TCTN1: variants seen among roughly 807,000 people sequenced by gnomAD.
TCTN1 encodes the protein tectonic family member 1, also known as tectonic-1.
TCTN1 carries 58 observed loss-of-function variants against 65.8 expected under a neutral mutation model. That is an observed-to-expected ratio of 0.88 (90% CI 0.71 to 1.10). The LOEUF (loss-of-function observed/expected upper bound fraction) is 1.10, where lower values mean the gene tolerates loss of function less well. Among genes scored for constraint, TCTN1 ranks in the 50% least tolerant of loss-of-function variants. The pLI is 0.00. For synonymous variants in TCTN1, 273 were observed against 289.1 expected, an observed-to-expected ratio of 0.94 and a Z score of 0.57; for missense variants, 645 against 719.4, an observed-to-expected ratio of 0.90 and a Z score of 1.18.
intron 12 of TCTN1, 62 bp from the exon 13 acceptor site, chr12:110,647,134 A>G: frequency 6.3e-7 from 1 of 1,595,718 alleles, no homozygotes; most frequent in Non-Finnish European, 8.6e-7. Flanking sequence ...TTTTATAATT[A>G]AAACTCTGAA....
At chr12:110,648,792 GA>G (rs1426072145) in intron 14 of TCTN1, 3 of 309,562 alleles carry the variant, frequency 9.7e-6, no homozygotes, top group African/African-American at 6.9e-5. Context: ...AGGGAAAAGA[GA>G]GAGTTTATTT....
At chr12:110,635,738 G>A (rs2066526480) in intron 6 of TCTN1, 1 of 152,340 alleles carries the variant, frequency 6.6e-6, no homozygotes, top group African/African-American at 2.4e-5. Context: ...TACAGGGGTA[G>A]GGTGGTTCAT....
intron 6 of TCTN1, among the ~76,000 whole-genome samples, chr12:110,635,328 G>C (rs1172950925): frequency 6.6e-6 from 1 of 152,082 alleles, no homozygotes; most frequent in Non-Finnish European, 1.5e-5. Context: ...TGAGATGGAG[G>C]GTGGCAAGGG....
At chr12:110,636,419 G>A (rs1170746876) in intron 6 of TCTN1, 62 bp from the exon 7 acceptor site, 1 of 1,125,598 alleles carries the variant, frequency 8.9e-7, no homozygotes, top group Non-Finnish European at 1.3e-6. Flanking sequence ...ATCTGAAAAA[G>A]CAATGAAAAT....
At chr12:110,646,219 T>G (rs1435210537) in intron 12 of TCTN1, 1 of 151,998 alleles carries the variant, frequency 6.6e-6, no homozygotes, top group Non-Finnish European at 1.5e-5. Flanking sequence ...TAAACTCAGT[T>G]TCCACCAGCT....
intron 2 of TCTN1, among the ~76,000 whole-genome samples, chr12:110,623,302 C>T (rs1015201324): frequency 3.3e-5 from 5 of 152,174 alleles, no homozygotes; most frequent in East Asian, 1.9e-4. Context: ...TGGCCATTGC[C>T]GTTCTTGCAC....
chr12:110,642,879 C>T (rs1157019109), intron 11 of TCTN1, among the ~76,000 whole-genome samples: 2 of 152,070 alleles, frequency 1.3e-5, no homozygotes, highest in African/African-American at 4.8e-5. Context: ...CCTCAGCCTC[C>T]TGAGTAGCTG....
intron 2 of TCTN1, among the ~76,000 whole-genome samples, chr12:110,623,068 G>A (rs919890393): frequency 6.6e-6 from 1 of 152,120 alleles, no homozygotes; most frequent in Non-Finnish European, 1.5e-5. Flanking sequence ...AGCCCTCGTG[G>A]TCGTCCATCC....
chr12:110,616,919 T>C (rs2065078500), intron 1 of TCTN1: 1 of 152,188 alleles, frequency 6.6e-6, no homozygotes, highest in Non-Finnish European at 1.5e-5. Flanking sequence ...GCAGATGCGA[T>C]AGGAGGCAAG....
chr12:110,614,157 C>CG lies in TCTN1; in HGVS notation c.-23dup. ...GCCGGGCAACGCGCTGTCCATGTCGCGGGCCTCGCTGGGACTCCCTGGGAG... is the reference window on the plus strand; with the variant it reads ...GCCGGGCAACGCGCTGTCCATGTCGCGGGGCCTCGCTGGGACTCCCTGGGAG... On this transcript the variant is annotated 5_prime_UTR_variant, in exon 1 of 15. Coordinates refer to ENST00000397659, the MANE Select transcript of TCTN1 (RefSeq NM_001082538.3). The CG allele has an allele frequency of 6.5e-7, 1 of 1,546,830 alleles. No individual in the cohort carries two copies. Among genetic ancestry groups the CG allele is most frequent in the East Asian group, 2.4e-5 (1 of 41,366 alleles).
chr12:110,633,666 A>G (rs2136058321), intron 5 of TCTN1, among the ~76,000 whole-genome samples: 1 of 151,984 alleles, frequency 6.6e-6, no homozygotes, highest in South Asian at 2.1e-4. Context: ...AACAAAACCA[A>G]AAACAACTCC....
At chr12:110,621,773 G>C (rs2065448859) in intron 2 of TCTN1, among the ~76,000 whole-genome samples, 1 of 151,548 alleles carries the variant, frequency 6.6e-6, no homozygotes, top group Non-Finnish European at 1.5e-5. Flanking sequence ...CGCCTAACCT[G>C]GAAGATCTCT....
chr12:110,649,101 G>A lies in TCTN1; in HGVS notation c.*60G>A, dbSNP rs1325606939. 1.6e-6 allele frequency: 1 copy of A among 633,198 alleles called. No homozygotes were observed. Among genetic ancestry groups the A allele is most frequent in the Admixed American group, 2.1e-5 (1 of 47,554 alleles). The allele number at this position is 633,198 out of a possible 1,614,324, so 39.2% of individuals were successfully genotyped here. On this transcript the variant is annotated 3_prime_UTR_variant, in exon 15 of 15. Coordinates refer to ENST00000397659, the MANE Select transcript of TCTN1 (RefSeq NM_001082538.3). ...GTGAAATTTGAAAACTGTACATTCGGTGAGATTAAATTTTATATACAACTA... is the reference window on the plus strand; with the variant it reads ...GTGAAATTTGAAAACTGTACATTCGATGAGATTAAATTTTATATACAACTA...
chr12:110,629,258 A>T (rs1398999705), intron 4 of TCTN1: 1 of 399,236 alleles, frequency 2.5e-6, no homozygotes, highest in Non-Finnish European at 4.5e-6. Flanking sequence ...GATCTAATTA[A>T]ACTAAAGAGC....
At position 110,649,104 on chromosome 12, in the gene TCTN1, A is replaced by C; in HGVS notation, c.*63A>C. On this transcript the variant is annotated 3_prime_UTR_variant, in exon 15 of 15. Transcript: ENST00000397659. Reference sequence around the variant, plus strand: ...AAATTTGAAAACTGTACATTCGGTGAGATTAAATTTTATATACAACTAGCA... The same window carrying C: ...AAATTTGAAAACTGTACATTCGGTGCGATTAAATTTTATATACAACTAGCA... The C allele has an allele frequency of 1.6e-6, 1 of 639,306 alleles. No individual in the cohort carries two copies. 39.6% of individuals were successfully genotyped at this position (639,306 alleles called of 1,614,324 possible).
At position 110,642,320 on chromosome 12, in the gene TCTN1, G is replaced by C. The variant is rs2067010042; in HGVS notation, c.1262G>C (p.Cys421Ser). 1 of 1,614,222 alleles carries C rather than the reference G, an allele frequency of 6.2e-7. No homozygotes were observed. Among genetic ancestry groups the C allele is most frequent in the East Asian group, 2.2e-5 (1 of 44,876 alleles). ...TILHSTTEQD[C>S]LALEGVRTPV... The stretch of plus-strand genomic sequence containing the variant: ...CTTCATAGCACAACTGAGCAAGACT[G>C]CTTAGCACTGGAGGGGGTCCGGACC... Residue 421 changes from cysteine to serine, a missense_variant, in exon 11 of 15, where the codon TGC becomes TCC. Transcript: ENST00000397659.
chr12:110,622,498 C>T (rs1331839696), intron 2 of TCTN1, among the ~76,000 whole-genome samples: 2 of 152,196 alleles, frequency 1.3e-5, no homozygotes, highest in Admixed American at 6.6e-5. Context: ...GCATCTAACT[C>T]AGCCCCACTA....
intron 7 of TCTN1, among the ~76,000 whole-genome samples, chr12:110,637,452 T>C (rs962210537): frequency 5.3e-5 from 8 of 152,260 alleles, no homozygotes; most frequent in African/African-American, 1.7e-4. Flanking sequence ...GGCTGGATCC[T>C]GTCTTCTGTG....
At chr12:110,629,525 A>G (rs1403310680) in intron 4 of TCTN1, 2 of 152,300 alleles carry the variant, frequency 1.3e-5, no homozygotes, top group Non-Finnish European at 2.9e-5. Context: ...GAGAAATGCA[A>G]ATCAAAACTG....
Sources: allele counts gnomAD v4.1 joint callset (sites outside exome capture counted in the v4.1 genomes callset), GRCh38; gene constraint gnomAD v4.1.1; transcripts MANE v1.5; gene names NCBI Gene and HGNC (gene_info 2026-07-23, HGNC 2026-07-21).